The following BIRC2 variants were observed in gnomAD, a reference collection of about 807,000 sequenced individuals.
BIRC2 encodes baculoviral IAP repeat-containing protein 2.
A neutral mutation model predicts 60.9 loss-of-function variants in BIRC2; 18 were observed. The observed-to-expected ratio is 0.30, with a 90% confidence interval of 0.20 to 0.44. The LOEUF (loss-of-function observed/expected upper bound fraction) is 0.44. Ranked by LOEUF, BIRC2 falls within the 20% of genes least tolerant of loss-of-function variation. BIRC2 has a pLI of 1.00. For missense variants in BIRC2, 701 were observed against 728.5 expected, an observed-to-expected ratio of 0.96 and a Z score of 0.43; for synonymous variants, 282 against 247.7, an observed-to-expected ratio of 1.14 and a Z score of -1.30.
intron 6 of BIRC2, among the ~76,000 whole-genome samples, chr11:102,374,604 G>C (rs1206922357): frequency 2.6e-5 from 4 of 151,628 alleles, no homozygotes; most frequent in Non-Finnish European, 5.9e-5. Context: ...GTCTGCAGAG[G>C]TTACTGCTGT....
chr11:102,371,845 T>G (rs1168374379), intron 6 of BIRC2, among the ~76,000 whole-genome samples: 5 of 151,746 alleles, frequency 3.3e-5, no homozygotes, highest in African/African-American at 7.3e-5. Context: ...CAATTTCAGA[T>G]CCTGTTATTG....
intron 1 of BIRC2, 86 bp downstream of exon 1, chr11:102,347,462 G>GC (rs5794168): frequency 1 from 152,524 of 152,526 alleles, 76,261 homozygotes; most frequent in Middle Eastern, 1. Context: ...TGATGTGGCG[G>GC]CGAACGAGGA....
At chr11:102,377,933 A>G in intron 8 of BIRC2, 35 bp downstream of exon 8, 1 of 1,602,140 alleles carries the variant, frequency 6.2e-7, no homozygotes, top group Non-Finnish European at 8.5e-7. Flanking sequence ...ATGAACTATT[A>G]CCCTTTTTTT....
Position 102,377,627 on chromosome 11 carries a change from A to C in BIRC2, c.1498A>C (p.Thr500Pro), listed in dbSNP as rs1388272783. 7 of 1,611,444 alleles carry C rather than the reference A, an allele frequency of 4.3e-6. No individual in the cohort carries two copies. The highest frequency in any genetic ancestry group is 5.9e-6 in the Non-Finnish European group (7 of 1,179,420). Reference protein sequence around the residue: ...KQEHDIIKQKTQIPLQARELI... With the variant: ...KQEHDIIKQKPQIPLQARELI... ...GGAACATGATATTATTAAACAAAAA[A>C]CACAGATACCTTTACAAGCGAGAGA... The change falls in exon 7 of 9, where the codon ACA becomes CCA. Residue 500 changes from threonine to proline, a missense_variant. By Grantham distance (38) the Thr-to-Pro change is conservative. This residue lies in a region of BIRC2 where 235 missense variants were observed against 208.9 expected (regional missense o/e 1.12). Transcript: ENST00000227758.
chr11:102,368,674 G>C, intron 6 of BIRC2, 126 bp downstream of exon 6: 1 of 1,325,070 alleles, frequency 7.5e-7, no homozygotes, highest in Admixed American at 2.3e-5. Context: ...CAGTCATTTC[G>C]AAACCATCCC....
rs1054843713 is a variant in BIRC2 at position 102,363,649 on chromosome 11, C to T, written c.1075-19C>T. 5 of 1,607,104 alleles carry T rather than the reference C, an allele frequency of 3.1e-6. No homozygotes were observed. In the African/African-American group the frequency reaches 5.3e-5, roughly 17 times the overall value. ...GGGGATATCTGCTTTTACCTATTAACTTTTCTCTTGTTTCATAGCTGTTGT... is the reference window on the plus strand; with the variant it reads ...GGGGATATCTGCTTTTACCTATTAATTTTTCTCTTGTTTCATAGCTGTTGT... On this transcript the variant is annotated intron_variant, in intron 4 of 8. Coordinates refer to ENST00000227758, the MANE Select transcript of BIRC2 (RefSeq NM_001166.5).
chr11:102,378,108 A>G lies in BIRC2; in HGVS notation c.1782A>G (p.Glu594=). 6.2e-7 allele frequency: 1 copy of G among 1,613,854 alleles called. No homozygotes were observed. The highest frequency in any genetic ancestry group is 1.1e-5 in the South Asian group (1 of 91,044). The change falls in exon 9 of 9, where the codon GAA becomes GAG. Residue 594 remains glutamate (E), a synonymous_variant. Transcript: ENST00000227758. ...GTGGTCATCTGGTAGTATGCCAGGA[A>G]TGTGCCCCTTCTCTAAGAAAATGCC... ...IPCGHLVVCQ[E]CAPSLRKCPI...
intron 3 of BIRC2, among the ~76,000 whole-genome samples, chr11:102,356,195 C>CTTTT (rs540599539): frequency 3.1e-5 from 4 of 127,008 alleles, no homozygotes; most frequent in Non-Finnish European, 5.0e-5. Flanking sequence ...AAGCTGAAAG[C>CTTTT]TTTTTTTTTT....
At chr11:102,366,812 T>C (rs1327577504) in intron 5 of BIRC2, among the ~76,000 whole-genome samples, 2 of 152,238 alleles carry the variant, frequency 1.3e-5, no homozygotes, top group Non-Finnish European at 2.9e-5. Context: ...TCAAGTTTTA[T>C]CAGTTGCATG....
intron 6 of BIRC2, among the ~76,000 whole-genome samples, chr11:102,372,525 T>C (rs1467757452): frequency 6.6e-6 from 1 of 152,068 alleles, no homozygotes; most frequent in Non-Finnish European, 1.5e-5. Flanking sequence ...CACTGTGGTC[T>C]GAGAGATAGT....
In BIRC2 at chr11:102,377,561, A is replaced by G; in HGVS notation, c.1432A>G (p.Ile478Val). 1 of 1,610,772 alleles carries G rather than the reference A, an allele frequency of 6.2e-7. No individual in the cohort carries two copies. Among genetic ancestry groups the G allele is most frequent in the South Asian group, 1.1e-5 (1 of 90,392 alleles). ...TCAACAATTGACATGTGTGCTTCCTATCCTGGATAATCTTTTAAAGGCCAA... is the reference window on the plus strand; with the variant it reads ...TCAACAATTGACATGTGTGCTTCCTGTCCTGGATAATCTTTTAAAGGCCAA... ...LFQQLTCVLP[I>V]LDNLLKANVI... is the part of the protein sequence containing the mutation. Residue 478 changes from isoleucine (I) to valine (V), a missense_variant, in exon 7 of 9, where the codon ATC becomes GTC. Physicochemically the swap from Ile to Val is conservative, Grantham distance 29 (BLOSUM62 3). This residue lies in a region of BIRC2 where 235 missense variants were observed against 208.9 expected (regional missense o/e 1.12). Coordinates refer to ENST00000227758, the MANE Select transcript of BIRC2 (RefSeq NM_001166.5).
In BIRC2 at chr11:102,363,933, T is replaced by C. The variant is rs35496741; in HGVS notation, c.1123+217T>C. Among the ~76,000 whole-genome samples the C allele has an allele frequency of 4.2e-3, 636 of 151,180 alleles. 3 individuals carry two copies. The highest frequency in any genetic ancestry group is 0.015 in the African/African-American group (613 of 41,124). ...AGCCGGGTGTGATGTGCCTGTAGTCTCAGCTACTCGGGAGGCTGAGGCAGG... is the reference window on the plus strand; with the variant it reads ...AGCCGGGTGTGATGTGCCTGTAGTCCCAGCTACTCGGGAGGCTGAGGCAGG... On this transcript the variant is annotated intron_variant, in intron 5 of 8. Transcript: ENST00000227758.
intron 3 of BIRC2, among the ~76,000 whole-genome samples, chr11:102,359,873 C>T (rs1313265127): frequency 1.3e-5 from 2 of 151,858 alleles, no homozygotes; most frequent in African/African-American, 4.8e-5. Flanking sequence ...GGATATCTTT[C>T]CCTAGATTTA....
chr11:102,374,610 G>C (rs1951682401), intron 6 of BIRC2, among the ~76,000 whole-genome samples: 1 of 151,522 alleles, frequency 6.6e-6, no homozygotes, highest in Non-Finnish European at 1.5e-5. Flanking sequence ...AGAGGTTACT[G>C]CTGTCTTTTT....
chr11:102,374,752 G>A (rs1449890522), intron 6 of BIRC2, among the ~76,000 whole-genome samples: 4 of 152,160 alleles, frequency 2.6e-5, no homozygotes, highest in Admixed American at 6.5e-5. Flanking sequence ...AATGGCGGGC[G>A]CCCCTCCCCC....
chr11:102,377,664 C>T lies in BIRC2; in HGVS notation c.1535C>T (p.Thr512Ile), dbSNP rs774912256. The change falls in exon 7 of 9, where the codon ACC becomes ATC. Residue 512 changes from threonine (T) to isoleucine (I), a missense_variant. Physicochemically the swap from Thr to Ile is moderately conservative, Grantham distance 89. Transcript: ENST00000227758. The part of the protein sequence containing the change: ...IPLQARELID[T>I]ILVKGNAAAN... Reference sequence around the variant, plus strand: ...TTACAAGCGAGAGAACTGATTGATACCATTTTGGTTAAAGGAAATGCTGCG... The same window carrying T: ...TTACAAGCGAGAGAACTGATTGATATCATTTTGGTTAAAGGAAATGCTGCG... 2 of 1,611,132 alleles carry T rather than the reference C, an allele frequency of 1.2e-6. No homozygotes were observed. The highest frequency in any genetic ancestry group is 1.7e-5 in the Admixed American group (1 of 59,078).
intron 5 of BIRC2, among the ~76,000 whole-genome samples, chr11:102,366,159 C>T (rs1030276665): frequency 6.6e-6 from 1 of 152,142 alleles, no homozygotes; most frequent in African/African-American, 2.4e-5. Flanking sequence ...AATTTTCTTC[C>T]CCATTCTTCA....
At chr11:102,361,023 C>T (rs150409579) in intron 3 of BIRC2, among the ~76,000 whole-genome samples, 183 of 152,212 alleles carry the variant, frequency 1.2e-3, no homozygotes, top group African/African-American at 4.2e-3. Context: ...TGCTGGGGAC[C>T]TCTTCATCAC....
intron 3 of BIRC2, among the ~76,000 whole-genome samples, chr11:102,352,405 C>T (rs1359220855): frequency 1.3e-5 from 2 of 151,312 alleles, no homozygotes; most frequent in African/African-American, 4.9e-5. Flanking sequence ...TGAGCCACCG[C>T]GTCCAGCCCT....
Sources: allele counts gnomAD v4.1 joint callset (sites outside exome capture counted in the v4.1 genomes callset), GRCh38; gene constraint gnomAD v4.1.1; regional missense constraint gnomAD v4.1.1; transcripts MANE v1.5; gene names NCBI Gene and HGNC (gene_info 2026-07-23, HGNC 2026-07-21).